Variants in CHI3L2 observed in about 807,000 individuals in gnomAD.
The protein encoded by CHI3L2 is chitinase 3 like 2, also known as chitinase-3-like protein 2.
CHI3L2 carries 47 observed loss-of-function variants against 47.3 expected under a neutral mutation model. The ratio of observed to expected loss-of-function variants is 0.99; its 90% CI spans 0.79 to 1.27. CHI3L2 has a LOEUF of 1.27. Among genes scored for constraint, CHI3L2 ranks in the 50% most tolerant of loss-of-function variants. The pLI is 0.00. For synonymous variants in CHI3L2, 198 were observed against 169.9 expected (o/e 1.17, Z -1.28); for missense variants, 497 against 462.1 (o/e 1.08, Z -0.69).
At chr1:111,230,649 G>T in intron 2 of CHI3L2, 93 bp from the exon 3 acceptor site, 1 of 1,039,002 alleles carries the variant, frequency 9.6e-7, no homozygotes, top group South Asian at 1.4e-5. Context: ...ATGAGCAAAT[G>T]ATGCAATGGC....
chr1:111,237,831 G>A (rs1659928640), intron 7 of CHI3L2, among the ~76,000 whole-genome samples: 1 of 152,198 alleles, frequency 6.6e-6, no homozygotes, highest in East Asian at 1.9e-4. Context: ...TGTCAGACAT[G>A]CCTCACAGCT....
chr1:111,236,690 G>A (rs1368074177), intron 7 of CHI3L2, among the ~76,000 whole-genome samples: 4 of 152,000 alleles, frequency 2.6e-5, no homozygotes, highest in Non-Finnish European at 5.9e-5. Flanking sequence ...TGTTGTTCTG[G>A]AACATAACTT....
chr1:111,239,249 C>A, intron 8 of CHI3L2: 1 of 248,582 alleles, frequency 4.0e-6, no homozygotes, highest in Admixed American at 5.7e-5. Flanking sequence ...GATGGCAATG[C>A]CATTTACAGA....
chr1:111,241,549 T>C, intron 9 of CHI3L2, 106 bp downstream of exon 9: 1 of 668,172 alleles, frequency 1.5e-6, no homozygotes, highest in Non-Finnish European at 2.7e-6. Flanking sequence ...GGCCCCAGAC[T>C]CTAGGATGGG....
chr1:111,241,250 T>G, intron 8 of CHI3L2, 77 bp from the exon 9 acceptor site: 2 of 816,020 alleles, frequency 2.5e-6, no homozygotes. Context: ...CCCTAGTGGC[T>G]CACCTGCCCT....
chr1:111,238,509 C>G (rs7527609), intron 7 of CHI3L2, among the ~76,000 whole-genome samples: 1 of 152,188 alleles, frequency 6.6e-6, no homozygotes. Context: ...TGACTGATTT[C>G]TTTTGTGATC....
chr1:111,234,569 A>C (rs1659822471), intron 4 of CHI3L2, among the ~76,000 whole-genome samples: 1 of 152,204 alleles, frequency 6.6e-6, no homozygotes, highest in Non-Finnish European at 1.5e-5. Flanking sequence ...GGACACTGCA[A>C]AGACAGACAC....
chr1:111,241,520 C>A, intron 9 of CHI3L2, 77 bp downstream of exon 9: 2 of 771,656 alleles, frequency 2.6e-6, no homozygotes, highest in South Asian at 1.6e-5. Flanking sequence ...ACTCTATGTT[C>A]AAAGAGAGAA....
chr1:111,238,678 G>C, intron 7 of CHI3L2, 72 bp from the exon 8 acceptor site: 1 of 1,509,170 alleles, frequency 6.6e-7, no homozygotes, highest in Non-Finnish European at 9.2e-7. Flanking sequence ...TGAAGTTTGG[G>C]ATAGAGGCTA....
chr1:111,228,550 A>T (rs967876893), intron 1 of CHI3L2, among the ~76,000 whole-genome samples: 3 of 152,164 alleles, frequency 2.0e-5, no homozygotes, highest in South Asian at 2.1e-4. Flanking sequence ...CTGACAGTGG[A>T]TGTGCCACAG....
chr1:111,236,789 G>A (rs1032130180), intron 7 of CHI3L2, among the ~76,000 whole-genome samples: 5 of 152,352 alleles, frequency 3.3e-5, no homozygotes, highest in Middle Eastern at 3.4e-3. Context: ...AGAATCAGCT[G>A]TATGGGAGAC....
At chr1:111,240,719 T>G (rs1041267616) in intron 8 of CHI3L2, among the ~76,000 whole-genome samples, 8 of 152,224 alleles carry the variant, frequency 5.3e-5, no homozygotes, top group Non-Finnish European at 1.2e-4. Context: ...ATTGTTTAAT[T>G]GAAGATTTAT....
chr1:111,240,700 T>C (rs1660021797), intron 8 of CHI3L2, among the ~76,000 whole-genome samples: 1 of 152,212 alleles, frequency 6.6e-6, no homozygotes, highest in Non-Finnish European at 1.5e-5. Context: ...CTATGTGATG[T>C]TGAAATGCAT....
chr1:111,228,340 G>A (rs1659589090), intron 1 of CHI3L2, among the ~76,000 whole-genome samples: 1 of 152,072 alleles, frequency 6.6e-6, no homozygotes, highest in African/African-American at 2.4e-5. Context: ...GGAGGGGAGG[G>A]AATATGTCTG....
chr1:111,235,793 T>A, intron 6 of CHI3L2, 30 bp downstream of exon 6: 1 of 1,608,228 alleles, frequency 6.2e-7, no homozygotes, highest in Non-Finnish European at 8.5e-7. Flanking sequence ...TTTCCATCCC[T>A]CTGCTTCCAA....
Position 111,241,460 on chromosome 1 carries a change from CA to C in CHI3L2, c.1035+18del, listed in dbSNP as rs1660056089. ...GAGACCAAGGTAGGTGGGCCACAGG[CA>C]GATACTCCTTTAGGTGGGGAATGGT... On this transcript the variant is annotated intron_variant, in intron 9 of 10. Coordinates refer to ENST00000369748, the MANE Select transcript of CHI3L2 (RefSeq NM_004000.3). The C allele has an allele frequency of 1.6e-6, 2 of 1,228,686 alleles. No homozygotes were observed. The highest frequency in any genetic ancestry group is 2.4e-6 in the Non-Finnish European group (2 of 828,216). 76.1% of individuals were successfully genotyped at this position (1,228,686 alleles called of 1,614,324 possible).
chr1:111,230,969 C>G, intron 3 of CHI3L2, 26 bp downstream of exon 3: 1 of 1,589,542 alleles, frequency 6.3e-7, no homozygotes. Flanking sequence ...GTGGAAGCAT[C>G]CTGCATGGAT....
chr1:111,228,151 C>T (rs2101541968), intron 1 of CHI3L2, among the ~76,000 whole-genome samples: 1 of 152,228 alleles, frequency 6.6e-6, no homozygotes, highest in South Asian at 2.1e-4. Flanking sequence ...TTTTGGAGAG[C>T]CCCACATTTC....
At chr1:111,242,007 C>T (rs1660073251) in intron 9 of CHI3L2, among the ~76,000 whole-genome samples, 2 of 152,182 alleles carry the variant, frequency 1.3e-5, no homozygotes, top group African/African-American at 4.8e-5. Flanking sequence ...AATGCCGGAC[C>T]TTGAGTGTGG....
Sources: gnomAD v4.1 joint callset for allele counts (sites outside exome capture counted in the v4.1 genomes callset) on GRCh38, gnomAD v4.1.1 for gene constraint, MANE v1.5 for transcripts, NCBI Gene and HGNC (gene_info 2026-07-23, HGNC 2026-07-21) for gene names.